Variants in TULP4 observed in about 807,000 individuals in gnomAD.
TULP4 encodes the protein TUB like protein 4, also known as tubby-related protein 4.
In TULP4, 16 loss-of-function variants were observed where a neutral mutation model predicts 129.0. The observed-to-expected ratio is 0.12, with a 90% CI of 0.08 to 0.19. The LOEUF is 0.19. TULP4 is among the 10% of genes least tolerant of loss of function. The pLI is 1.00. For missense variants in TULP4, 1,842 were observed against 2,059.1 expected (o/e 0.89, Z 2.04); for synonymous variants, 998 against 854.0 (o/e 1.17, Z -2.94).
At chr6:158,451,924 C>G (rs1487104324) in intron 4 of TULP4, among the ~76,000 whole-genome samples, 1 of 152,226 alleles carries the variant, frequency 6.6e-6, no homozygotes, top group Non-Finnish European at 1.5e-5. Context: ...TGTCCTGCTT[C>G]TTACTCACAA....
At chr6:158,326,587 T>A (rs1779753899) in intron 1 of TULP4, among the ~76,000 whole-genome samples, 1 of 152,246 alleles carries the variant, frequency 6.6e-6, no homozygotes, top group African/African-American at 2.4e-5. Flanking sequence ...TCATAAAGTA[T>A]AAGACTTTTA....
At chr6:158,418,876 T>C (rs931649529) in intron 2 of TULP4, among the ~76,000 whole-genome samples, 1 of 152,260 alleles carries the variant, frequency 6.6e-6, no homozygotes, top group Non-Finnish European at 1.5e-5. Flanking sequence ...TTTTACTGGC[T>C]ATGTGTTTTG....
upstream of TULP4, among the ~76,000 whole-genome samples, chr6:158,277,614 C>T (rs1013314983): frequency 2.0e-5 from 3 of 152,178 alleles, no homozygotes; most frequent in African/African-American, 7.2e-5. Flanking sequence ...ATCCCTCCCT[C>T]CTGCTCAGTG....
chr6:158,290,521 T>C (rs535626987), intron 1 of TULP4, among the ~76,000 whole-genome samples: 1 of 151,770 alleles, frequency 6.6e-6, no homozygotes, highest in South Asian at 2.1e-4. Flanking sequence ...ACATTTTCAT[T>C]TATTTTTCCT....
intron 1 of TULP4, among the ~76,000 whole-genome samples, chr6:158,328,350 C>T (rs1215397836): frequency 6.6e-6 from 1 of 151,740 alleles, no homozygotes. Flanking sequence ...AGCAGCTTGC[C>T]CAAAGTAAGG....
chr6:158,412,502 T>G (rs1231082492), intron 1 of TULP4, among the ~76,000 whole-genome samples: 1 of 152,216 alleles, frequency 6.6e-6, no homozygotes, highest in African/African-American at 2.4e-5. Flanking sequence ...GCTTATAATT[T>G]CTTGTTATTT....
intron 1 of TULP4, among the ~76,000 whole-genome samples, chr6:158,364,082 T>C (rs1780864204): frequency 1.3e-5 from 2 of 152,296 alleles, no homozygotes; most frequent in South Asian, 4.2e-4. Context: ...AAAGGTACAG[T>C]CAATAAAATG....
chr6:158,418,116 T>TGGGGGGG (rs1393991201), intron 2 of TULP4, among the ~76,000 whole-genome samples: 1 of 104,920 alleles, frequency 9.5e-6, no homozygotes, highest in Non-Finnish European at 2.5e-5. Flanking sequence ...TTTTTTTTTT[T>TGGGGGGG]GGGAGCGGGG....
chr6:158,459,181 A>T (rs1779362151), intron 5 of TULP4, among the ~76,000 whole-genome samples: 1 of 152,200 alleles, frequency 6.6e-6, no homozygotes, highest in South Asian at 2.1e-4. Context: ...CTGTAATCTC[A>T]GCACTTTGTG....
rs1349905497 is a variant in TULP4 at position 158,452,208 on chromosome 6, A to G, written c.799A>G (p.Ile267Val). The part of the protein sequence containing the change: ...LLTVSFTSGD[I>V]SLMNNYDDLS... ...CACCGTCAGCTTCACCTCGGGAGACATCAGCTTAATGAACAACTACGATGA... is the reference window on the plus strand; with the variant it reads ...CACCGTCAGCTTCACCTCGGGAGACGTCAGCTTAATGAACAACTACGATGA... The change falls in exon 5 of 14, where the codon ATC (isoleucine) becomes GTC (valine). Residue 267 changes from isoleucine to valine, a missense_variant. Around this residue, in one of 5 missense-constraint regions of TULP4, gnomAD observed 456 missense variants for 534.3 expected, o/e 0.85. Coordinates refer to ENST00000367097, the MANE Select transcript of TULP4 (RefSeq NM_020245.5). 1 of 1,614,236 alleles carries G rather than the reference A, an allele frequency of 6.2e-7. No individual in the cohort carries two copies. The highest frequency in any genetic ancestry group is 8.5e-7 in the Non-Finnish European group (1 of 1,180,040).
rs1247841639 is a variant in TULP4 at position 158,413,175 on chromosome 6, C to T, written c.363C>T (p.Val121=). 3.7e-6 allele frequency: 6 copies of T among 1,612,736 alleles called. No homozygotes were observed. The highest frequency in any genetic ancestry group is 1.3e-5 in the African/African-American group (1 of 74,896). The change falls in exon 2 of 14, where the codon GTC becomes GTT. Residue 121 remains valine, a synonymous_variant. Transcript: ENST00000367097. This position sits in a 1 kb window ranked among gnomAD's most constrained non-coding sequence, Gnocchi z 4.9. The stretch of plus-strand genomic sequence containing the variant: ...AGGGCAGGTGGTCTGTGGAGCTGGT[C>T]AACGACCGCGGGGCGCAGGTGAGTG... ...QYEGRWSVEL[V]NDRGAQVSDF...
In TULP4 at chr6:158,313,160, C is replaced by A. The variant is rs1023761049; in HGVS notation, c.-857C>A. The A allele has an allele frequency of 4.1e-6, 1 of 246,198 alleles. No homozygotes were observed. Among genetic ancestry groups the A allele is most frequent in the Admixed American group, 5.5e-5 (1 of 18,032 alleles). The allele number at this position is 246,198 out of a possible 1,614,324, so 15.3% of individuals were successfully genotyped here. A position where few individuals can be genotyped will look rare whatever the true frequency, so the allele number is the denominator to read the frequency against. Reference sequence around the variant, plus strand: ...GCAAACACTGGGACCACTGTAAGAGCGCTGGAACATTCTGCCTCTTGAGTG... The same window carrying A: ...GCAAACACTGGGACCACTGTAAGAGAGCTGGAACATTCTGCCTCTTGAGTG... On this transcript the variant is annotated 5_prime_UTR_variant, in exon 1 of 14. Coordinates refer to ENST00000367097, the MANE Select transcript of TULP4 (RefSeq NM_020245.5).
At chr6:158,322,065 A>G (rs1213564051) in intron 1 of TULP4, among the ~76,000 whole-genome samples, 1 of 152,216 alleles carries the variant, frequency 6.6e-6, no homozygotes, top group Non-Finnish European at 1.5e-5. Flanking sequence ...AGTGATGACC[A>G]ACTTTCTCAA....
intron 1 of TULP4, among the ~76,000 whole-genome samples, chr6:158,361,537 G>A (rs898072605): frequency 6.6e-6 from 1 of 152,126 alleles, no homozygotes; most frequent in Non-Finnish European, 1.5e-5. Flanking sequence ...GTGGATTTGT[G>A]TTATATTTTA....
chr6:158,375,905 G>T (rs1421051187), intron 1 of TULP4, among the ~76,000 whole-genome samples: 1 of 152,188 alleles, frequency 6.6e-6, no homozygotes, highest in Non-Finnish European at 1.5e-5. Context: ...TCATGGGCAG[G>T]AACAAGGGAG....
At chr6:158,373,858 G>A (rs1777125842) in intron 1 of TULP4, among the ~76,000 whole-genome samples, 1 of 152,148 alleles carries the variant, frequency 6.6e-6, no homozygotes, top group South Asian at 2.1e-4. Flanking sequence ...AGGACAAACT[G>A]GGTCCTTGAA....
chr6:158,381,658 G>A (rs1371768079), intron 1 of TULP4, among the ~76,000 whole-genome samples: 1 of 152,208 alleles, frequency 6.6e-6, no homozygotes, highest in Non-Finnish European at 1.5e-5. Context: ...GTGTGGAGGA[G>A]AAATGACTGG....
At chr6:158,497,434 C>T (rs1780357400) in intron 11 of TULP4, among the ~76,000 whole-genome samples, 1 of 152,108 alleles carries the variant, frequency 6.6e-6, no homozygotes, top group African/African-American at 2.4e-5. Flanking sequence ...GGCATTTTAA[C>T]AATACACAGT....
At chr6:158,294,912 T>C (rs1389348120) in intron 1 of TULP4, among the ~76,000 whole-genome samples, 1 of 152,096 alleles carries the variant, frequency 6.6e-6, no homozygotes, top group Non-Finnish European at 1.5e-5. Flanking sequence ...TTGTAGAGAC[T>C]GGGTTTTGCT....
Sources: gnomAD v4.1 joint callset for allele counts (sites outside exome capture counted in the v4.1 genomes callset) on GRCh38, gnomAD v4.1.1 for gene constraint, gnomAD v4.1.1 regional missense constraint, Gnocchi (gnomAD v3.1) non-coding constraint, MANE v1.5 for transcripts, NCBI Gene and HGNC (gene_info 2026-07-23, HGNC 2026-07-21) for gene names.